Variants in TMEM47 observed in about 807,000 individuals in gnomAD.
The protein encoded by TMEM47 is transmembrane protein 47, also known as brain cell membrane protein 1.
A neutral mutation model predicts 12.4 loss-of-function variants in TMEM47; 3 were observed. That is an observed-to-expected ratio of 0.24 (90% CI 0.11 to 0.63). The LOEUF (loss-of-function observed/expected upper bound fraction) is 0.63, where lower values mean the gene tolerates loss of function less well. Among genes scored for constraint, TMEM47 ranks in the 20% least tolerant of loss-of-function variants. The pLI, the probability that TMEM47 is intolerant of heterozygous loss-of-function variation, is 0.86. For synonymous variants in TMEM47, 62 were observed against 63.3 expected, an observed-to-expected ratio of 0.98 and a Z score of 0.10; for missense variants, 89 against 143.8, an observed-to-expected ratio of 0.62 and a Z score of 1.95.
At chrX:34,639,962 T>C (rs2040543510) in intron 1 of TMEM47, among the ~76,000 whole-genome samples, 1 of 111,647 alleles carries the variant, frequency 9.0e-6, no homozygotes, top group South Asian at 3.8e-4. Flanking sequence ...TTTAAGTTTC[T>C]CATATTCATC....
At chrX:34,632,768 A>G (rs1341231783) in intron 2 of TMEM47, among the ~76,000 whole-genome samples, 1 of 111,694 alleles carries the variant, frequency 9.0e-6, no homozygotes, top group Non-Finnish European at 1.9e-5. Flanking sequence ...TGTATGACCC[A>G]CACTTCATCT....
chrX:34,652,772 A>G (rs1040813589), intron 1 of TMEM47, among the ~76,000 whole-genome samples: 1 of 111,959 alleles, frequency 8.9e-6, no homozygotes, highest in Non-Finnish European at 1.9e-5. Flanking sequence ...TGGTACTCTT[A>G]ACTGTCCACC....
rs940359501 is a variant in TMEM47 at position 34,629,323 on chromosome X, A to G, written c.*990T>C. On this transcript the variant is annotated 3_prime_UTR_variant, in exon 3 of 3. Transcript: ENST00000275954. ...GAACATAGAGCAAAAGCTTTAAGGTACCATACTTTTGTATGGTAAATAAGT... is the reference window on the plus strand; with the variant it reads ...GAACATAGAGCAAAAGCTTTAAGGTGCCATACTTTTGTATGGTAAATAAGT... The G allele has an allele frequency of 9.9e-5, 11 of 111,431 alleles. No individual in the cohort carries two copies. The highest frequency in any genetic ancestry group is 1.9e-4 in the Non-Finnish European group (10 of 53,124). 9.2% of individuals were successfully genotyped at this position (111,431 alleles called of 1,213,427 possible). A position where few individuals can be genotyped will look rare whatever the true frequency, so the allele number is the denominator to read the frequency against.
intron 1 of TMEM47, among the ~76,000 whole-genome samples, chrX:34,654,011 A>T (rs1328586176): frequency 8.9e-6 from 1 of 111,937 alleles, no homozygotes; most frequent in Non-Finnish European, 1.9e-5. Flanking sequence ...CTGACTGACA[A>T]CCGGATTAGT....
At chrX:34,643,804 T>C (rs1412503205) in intron 1 of TMEM47, among the ~76,000 whole-genome samples, 1 of 111,267 alleles carries the variant, frequency 9.0e-6, no homozygotes, top group Non-Finnish European at 1.9e-5. Flanking sequence ...AAACCTGAGT[T>C]TGGTTTCTGA....
At chrX:34,633,387 G>A (rs1921659843) in intron 2 of TMEM47, among the ~76,000 whole-genome samples, 1 of 111,065 alleles carries the variant, frequency 9.0e-6, no homozygotes, top group South Asian at 3.8e-4. Context: ...ATTCCCACGT[G>A]AAAGGCATAG....
chrX:34,647,227 T>C (rs1921928184), intron 1 of TMEM47, among the ~76,000 whole-genome samples: 1 of 111,701 alleles, frequency 9.0e-6, no homozygotes, highest in African/African-American at 3.2e-5. Flanking sequence ...ATATTTGGTT[T>C]AGGGACCTTA....
intron 1 of TMEM47, among the ~76,000 whole-genome samples, chrX:34,648,842 T>A (rs1345066040): frequency 8.9e-6 from 1 of 111,878 alleles, no homozygotes; most frequent in African/African-American, 3.3e-5. Context: ...CTTAAATGAA[T>A]TTACAAGAGA....
rs1921560636 is a variant in TMEM47 at position 34,628,893 on chromosome X, A to G, written c.*1420T>C. The G allele has an allele frequency of 8.9e-6, 1 of 111,913 alleles. No individual in the cohort carries two copies. The highest frequency in any genetic ancestry group is 3.7e-4 in the South Asian group (1 of 2,701). 9.2% of individuals were successfully genotyped at this position (111,913 alleles called of 1,213,427 possible). A position where few individuals can be genotyped will look rare whatever the true frequency, so the allele number is the denominator to read the frequency against. ...AATTAACACAAGTTTGCAGCATGAGATTAGTTGCAAACTTATTCCCTATTA... is the reference window on the plus strand; with the variant it reads ...AATTAACACAAGTTTGCAGCATGAGGTTAGTTGCAAACTTATTCCCTATTA... On this transcript the variant is annotated 3_prime_UTR_variant, in exon 3 of 3. Coordinates refer to ENST00000275954, the MANE Select transcript of TMEM47 (RefSeq NM_031442.4).
In TMEM47 at chrX:34,657,218, G is replaced by A. The variant is rs1219251877; in HGVS notation, c.-189C>T. The A allele has an allele frequency of 3.2e-6, 2 of 627,531 alleles. No homozygotes were observed. The highest frequency in any genetic ancestry group is 2.1e-6 in the Non-Finnish European group (1 of 478,823). The allele number at this position is 627,531 out of a possible 1,213,427, so 51.7% of individuals were successfully genotyped here. On this transcript the variant is annotated 5_prime_UTR_variant, in exon 1 of 3. Transcript: ENST00000275954. The stretch of plus-strand genomic sequence containing the variant: ...CTGCGGAGGCGGCCGGCCGGGTGTG[G>A]GTCGTCGGCAGCCGCAGCGACGTCG...
At chrX:34,644,972 A>AT (rs1205686932) in intron 1 of TMEM47, among the ~76,000 whole-genome samples, 1 of 111,902 alleles carries the variant, frequency 8.9e-6, no homozygotes, top group East Asian at 2.8e-4. Flanking sequence ...TAGAACAATG[A>AT]TTTTTTTACC....
intron 2 of TMEM47, among the ~76,000 whole-genome samples, chrX:34,632,301 A>G (rs973046365): frequency 8.9e-6 from 1 of 112,110 alleles, no homozygotes; most frequent in African/African-American, 3.2e-5. Context: ...TAGTTTTGAT[A>G]TCGCTTATAT....
At position 34,657,148 on chromosome X, in the gene TMEM47, TC is replaced by T; in HGVS notation, c.-120del. ...CGAGCTGCCACGCGCGGGGACTCGC[TC>T]CCTCGGGGCTCTGCGCGCCCCCTGC... On this transcript the variant is annotated 5_prime_UTR_variant, in exon 1 of 3. Transcript: ENST00000275954. 1 of 1,017,785 alleles carries T rather than the reference TC, an allele frequency of 9.8e-7. No individual in the cohort carries two copies. Among genetic ancestry groups the T allele is most frequent in the Non-Finnish European group, 1.2e-6 (1 of 801,863 alleles). 83.9% of individuals were successfully genotyped at this position (1,017,785 alleles called of 1,213,427 possible).
chrX:34,645,090 A>T (rs751468153), intron 1 of TMEM47, among the ~76,000 whole-genome samples: 1 of 112,104 alleles, frequency 8.9e-6, no homozygotes, highest in African/African-American at 3.2e-5. Flanking sequence ...AAACACTTGT[A>T]TTCATTTGTA....
rs1208037498 is a variant in TMEM47, at chrX:34,656,784, G to T, written c.226+20C>A. ...CAGTCCGGGGCGGGAGGCAGGGGTC[G>T]CGGCGCGCCAGGCCCTCACCGCTGC... is the stretch of plus-strand genomic sequence containing the variant. On this transcript the variant is annotated intron_variant, in intron 1 of 2. Coordinates refer to ENST00000275954, the MANE Select transcript of TMEM47 (RefSeq NM_031442.4). The T allele has an allele frequency of 1.7e-6, 2 of 1,160,282 alleles. No individual in the cohort carries two copies. Among genetic ancestry groups the T allele is most frequent in the Admixed American group, 5.2e-5 (2 of 38,584 alleles).
At chrX:34,648,602 A>G (rs1347102037) in intron 1 of TMEM47, among the ~76,000 whole-genome samples, 2 of 112,234 alleles carry the variant, frequency 1.8e-5, no homozygotes, top group Non-Finnish European at 3.8e-5. Flanking sequence ...CAACCCTATA[A>G]GACAAGGTAG....
At chrX:34,651,115 A>G (rs1451766979) in intron 1 of TMEM47, among the ~76,000 whole-genome samples, 1 of 111,677 alleles carries the variant, frequency 9.0e-6, no homozygotes, top group Non-Finnish European at 1.9e-5. Context: ...TCTCTTCTAC[A>G]ATGTGAACTT....
intron 2 of TMEM47, among the ~76,000 whole-genome samples, chrX:34,632,626 G>C (rs1921646588): frequency 1.8e-5 from 2 of 111,684 alleles, no homozygotes; most frequent in Admixed American, 9.6e-5. Flanking sequence ...TCAGCACTTT[G>C]CCTACCATTA....
chrX:34,648,829 G>T (rs376332056), intron 1 of TMEM47, among the ~76,000 whole-genome samples: 3 of 111,985 alleles, frequency 2.7e-5, no homozygotes, highest in Non-Finnish European at 5.6e-5. Context: ...CATCCATAAA[G>T]AACTTAAATG....
Sources: allele counts gnomAD v4.1 joint callset (sites outside exome capture counted in the v4.1 genomes callset), GRCh38; gene constraint gnomAD v4.1.1; transcripts MANE v1.5; gene names NCBI Gene and HGNC (gene_info 2026-07-23, HGNC 2026-07-21).